The following SAMD12 variants were observed in gnomAD, a reference collection of about 807,000 sequenced individuals.
The protein encoded by SAMD12 is sterile alpha motif domain-containing protein 12.
SAMD12 carries 9 observed loss-of-function variants against 15.0 expected under a neutral mutation model. That is an observed-to-expected ratio of 0.60 (90% CI 0.36 to 1.05). SAMD12 has a LOEUF of 1.05. Ranked by LOEUF, SAMD12 falls within the 50% of genes least tolerant of loss-of-function variation. SAMD12 has a pLI of 0.01. For missense variants in SAMD12, 230 were observed against 234.2 expected (o/e 0.98, Z 0.12); for synonymous variants, 86 against 90.1 (o/e 0.96, Z 0.25).
the SAMD12 span, among the ~76,000 whole-genome samples, chr8:118,176,225 C>G: frequency 6.6e-6 from 1 of 152,026 alleles, no homozygotes; most frequent in Non-Finnish European, 1.5e-5. Flanking sequence ...TGCTTGAACC[C>G]GGGAGGCGGA....
chr8:118,290,399 C>A (rs1271303800), intron 4 of SAMD12, among the ~76,000 whole-genome samples: 2 of 152,152 alleles, frequency 1.3e-5, no homozygotes, highest in Non-Finnish European at 2.9e-5. Flanking sequence ...GTGTGTTGGT[C>A]TTGAACCATG....
At chr8:118,506,482 G>C (rs549558624) in intron 2 of SAMD12, among the ~76,000 whole-genome samples, 1 of 151,998 alleles carries the variant, frequency 6.6e-6, no homozygotes, top group Non-Finnish European at 1.5e-5. Flanking sequence ...AATTTTCCAC[G>C]GGGAGAAGGG....
intron 2 of SAMD12, among the ~76,000 whole-genome samples, chr8:118,539,946 T>A (rs543365927): frequency 1.3e-5 from 2 of 152,300 alleles, no homozygotes; most frequent in East Asian, 3.9e-4. Context: ...CAACAAATAT[T>A]TACTACATAC....
chr8:118,490,006 T>C (rs1824396520), intron 2 of SAMD12, among the ~76,000 whole-genome samples: 1 of 152,166 alleles, frequency 6.6e-6, no homozygotes, highest in Non-Finnish European at 1.5e-5. Context: ...CCTCTTTACA[T>C]ACCACTTCTC....
At chr8:118,332,386 A>G (rs1328422809) in intron 4 of SAMD12, among the ~76,000 whole-genome samples, 1 of 152,266 alleles carries the variant, frequency 6.6e-6, no homozygotes, top group African/African-American at 2.4e-5. Context: ...CATTAAAACT[A>G]GAAATGACCA....
intron 3 of SAMD12, among the ~76,000 whole-genome samples, chr8:118,430,561 T>C (rs12156188): frequency 0.54 from 81,538 of 151,870 alleles, 24,291 homozygotes; most frequent in Non-Finnish European, 0.65. Context: ...CAGGTTTCAC[T>C]ATATTGGCCA....
intron 4 of SAMD12, among the ~76,000 whole-genome samples, chr8:118,214,324 C>A (rs1811905446): frequency 6.6e-6 from 1 of 152,204 alleles, no homozygotes. Context: ...GTGTATTTCA[C>A]ACTGTTGTTC....
intron 2 of SAMD12, among the ~76,000 whole-genome samples, chr8:118,551,793 G>C (rs1010114247): frequency 6.6e-6 from 1 of 151,110 alleles, no homozygotes; most frequent in African/African-American, 2.4e-5. Context: ...GACTAATAAA[G>C]AAAAAAAGAG....
intron 2 of SAMD12, among the ~76,000 whole-genome samples, chr8:118,472,285 T>TAAA (rs573240063): frequency 7.2e-6 from 1 of 138,160 alleles, no homozygotes; most frequent in African/African-American, 2.7e-5. Flanking sequence ...AGACTCCATC[T>TAAA]AAAAAAAAAA....
chr8:118,155,054 T>C, the SAMD12 span, among the ~76,000 whole-genome samples: 1 of 152,220 alleles, frequency 6.6e-6, no homozygotes, highest in Admixed American at 6.5e-5. Context: ...TTTAGTTACA[T>C]CTGCATATTG....
intron 2 of SAMD12, among the ~76,000 whole-genome samples, chr8:118,463,859 G>T (rs1823508491): frequency 6.6e-6 from 1 of 152,080 alleles, no homozygotes; most frequent in Non-Finnish European, 1.5e-5. Context: ...ACTGGGTTTG[G>T]CAGGAGGAGG....
At chr8:118,133,024 A>ATATC in the SAMD12 span, among the ~76,000 whole-genome samples, 15 of 100,760 alleles carry the variant, frequency 1.5e-4, no homozygotes, top group African/African-American at 5.2e-4. Flanking sequence ...ATATATATAT[A>ATATC]TATCTTATTA....
In SAMD12 at chr8:118,379,314, C is replaced by T. The variant is rs1320871641; in HGVS notation, c.*103G>A. 1.3e-6 allele frequency: 2 copies of T among 1,490,992 alleles called. No individual in the cohort carries two copies. The highest frequency in any genetic ancestry group is 1.4e-5 in the African/African-American group (1 of 71,860). The allele number at this position is 1,490,992 out of a possible 1,614,324, so 92.4% of individuals were successfully genotyped here. On this transcript the variant is annotated 3_prime_UTR_variant, in exon 4 of 4. Transcript: ENST00000314727. ...CACAATCCATACAACTGTACGTGAC[C>T]ACCTTGAAGTTAGCTCAGGTAATTC...
At chr8:118,150,233 T>TA in the SAMD12 span, among the ~76,000 whole-genome samples, 1 of 152,256 alleles carries the variant, frequency 6.6e-6, no homozygotes, top group African/African-American at 2.4e-5. Context: ...TATACATCTT[T>TA]AACTCATCAC....
chr8:118,278,691 A>G (rs79255722), intron 4 of SAMD12, among the ~76,000 whole-genome samples: 4,353 of 152,308 alleles, frequency 0.029, 190 homozygotes, highest in East Asian at 0.13. Flanking sequence ...CTCTCAAGCC[A>G]TATGAGAAGG....
At chr8:118,475,675 G>A (rs1823940094) in intron 2 of SAMD12, among the ~76,000 whole-genome samples, 1 of 152,216 alleles carries the variant, frequency 6.6e-6, no homozygotes, top group Non-Finnish European at 1.5e-5. Context: ...AACATTTGTT[G>A]GATTATTTAA....
chr8:118,457,371 T>C (rs747664388), intron 2 of SAMD12, among the ~76,000 whole-genome samples: 1 of 151,774 alleles, frequency 6.6e-6, no homozygotes, highest in Non-Finnish European at 1.5e-5. Flanking sequence ...GCTAGGGCTA[T>C]AGATTCATAC....
chr8:118,162,306 T>C, the SAMD12 span, among the ~76,000 whole-genome samples: 1 of 148,966 alleles, frequency 6.7e-6, no homozygotes, highest in Non-Finnish European at 1.5e-5. Context: ...TTTATCAAAT[T>C]ACATACTTTA....
At chr8:118,410,985 G>T (rs1821381364) in intron 3 of SAMD12, among the ~76,000 whole-genome samples, 1 of 152,164 alleles carries the variant, frequency 6.6e-6, no homozygotes, top group South Asian at 2.1e-4. Context: ...CTTTCAGTGA[G>T]AAAAGTGAGG....
Sources: gnomAD v4.1 joint callset for allele counts (sites outside exome capture counted in the v4.1 genomes callset) on GRCh38, gnomAD v4.1.1 for gene constraint, MANE v1.5 for transcripts, NCBI Gene and HGNC (gene_info 2026-07-23, HGNC 2026-07-21) for gene names.